Variants in KLF12 observed in about 807,000 individuals in gnomAD.
The protein encoded by KLF12 is Krueppel-like factor 12.
KLF12 carries 9 observed loss-of-function variants against 37.8 expected under a neutral mutation model. The ratio of observed to expected loss-of-function variants is 0.24; its 90% CI spans 0.14 to 0.42. The LOEUF (loss-of-function observed/expected upper bound fraction) is 0.42, where lower values mean the gene tolerates loss of function less well. Among genes scored for constraint, KLF12 ranks in the 10% least tolerant of loss-of-function variants. The probability of loss-of-function intolerance (pLI) is 1.00; values close to 1 mark genes in which losing one functional copy is unlikely to be tolerated. For synonymous variants in KLF12, 208 were observed against 202.1 expected, an observed-to-expected ratio of 1.03 and a Z score of -0.25; for missense variants, 411 against 516.0, an observed-to-expected ratio of 0.80 and a Z score of 1.97.
At chr13:73,713,276 C>T (rs945421804) in intron 7 of KLF12, among the ~76,000 whole-genome samples, 1 of 152,112 alleles carries the variant, frequency 6.6e-6, no homozygotes, top group Non-Finnish European at 1.5e-5. Flanking sequence ...TAAGAGGCTA[C>T]TGGACATTGT....
chr13:73,967,215 G>T (rs1283912861), intron 2 of KLF12, among the ~76,000 whole-genome samples: 2 of 152,146 alleles, frequency 1.3e-5, no homozygotes, highest in Admixed American at 6.5e-5. Context: ...CATCAGAGGG[G>T]TTTAACCAAG....
chr13:73,739,237 TTAATAATAATAA>T lies in KLF12; in HGVS notation c.870-23724_870-23713del, dbSNP rs138002893. ...TGACAGAGTGAGACTCTGTCTCAAATTAATAATAATAATAATAATAATAATAATAATAATAAT... is the reference window on the plus strand; with the variant it reads ...TGACAGAGTGAGACTCTGTCTCAAATTAATAATAATAATAATAATAATAAT... On this transcript the variant is annotated intron_variant, in intron 6 of 7. Coordinates refer to ENST00000377669, the MANE Select transcript of KLF12 (RefSeq NM_007249.5). Among the ~76,000 whole-genome samples the T allele has an allele frequency of 8.0e-4, 115 of 143,568 alleles. 2 individuals carry two copies. Among genetic ancestry groups the T allele is most frequent in the Admixed American group, 5.3e-3 (76 of 14,422 alleles). The allele number at this position is 143,568 out of a possible 152,430, so 94.2% of individuals were successfully genotyped here. A position where few individuals can be genotyped will look rare whatever the true frequency, so the allele number is the denominator to read the frequency against.
At chr13:73,808,194 A>T (rs1594114983) in intron 5 of KLF12, among the ~76,000 whole-genome samples, 1 of 152,078 alleles carries the variant, frequency 6.6e-6, no homozygotes, top group East Asian at 1.9e-4. Flanking sequence ...GGGGTGGGGG[A>T]TCAAGACCAA....
At chr13:73,914,487 C>CT (rs1025153170) in intron 3 of KLF12, among the ~76,000 whole-genome samples, 9 of 152,086 alleles carry the variant, frequency 5.9e-5, no homozygotes, top group African/African-American at 1.9e-4. Flanking sequence ...AGCCAAATAA[C>CT]TTTTTTTTCA....
At chr13:74,160,843 C>G in the KLF12 span, among the ~76,000 whole-genome samples, 1 of 152,070 alleles carries the variant, frequency 6.6e-6, no homozygotes, top group Non-Finnish European at 1.5e-5. Flanking sequence ...TGCAAGTACA[C>G]AAGGCTCGTT....
chr13:74,287,962 C>A, the KLF12 span, among the ~76,000 whole-genome samples: 1 of 152,054 alleles, frequency 6.6e-6, no homozygotes, highest in Non-Finnish European at 1.5e-5. Flanking sequence ...GAGCTCCACC[C>A]CCCTCCCACC....
At chr13:74,168,336 G>A in the KLF12 span, among the ~76,000 whole-genome samples, 1 of 152,152 alleles carries the variant, frequency 6.6e-6, no homozygotes, top group East Asian at 1.9e-4. Flanking sequence ...CCCCTAACTG[G>A]ACTCTGGCTC....
the KLF12 span, among the ~76,000 whole-genome samples, chr13:74,140,020 G>T: frequency 6.6e-6 from 1 of 151,946 alleles, no homozygotes; most frequent in Non-Finnish European, 1.5e-5. Flanking sequence ...AGATAAAACT[G>T]ATAAATAACT....
chr13:74,148,651 A>C, the KLF12 span, among the ~76,000 whole-genome samples: 2 of 151,874 alleles, frequency 1.3e-5, no homozygotes, highest in Non-Finnish European at 2.9e-5. Context: ...AGTTTAACAC[A>C]ACCCTGATAG....
the KLF12 span, among the ~76,000 whole-genome samples, chr13:74,214,825 C>T: frequency 6.6e-6 from 1 of 151,872 alleles, no homozygotes; most frequent in Non-Finnish European, 1.5e-5. Context: ...GATGGAGTCT[C>T]ACTCTGCCAC....
In KLF12 at chr13:73,800,743, T is replaced by C. The variant is rs532953269; in HGVS notation, c.806+12409A>G. The C allele has an allele frequency of 1.1e-4, 16 of 152,244 alleles. No homozygotes were observed. In the South Asian group the frequency reaches 3.1e-3, roughly 30 times the overall value. 9.4% of individuals were successfully genotyped at this position (152,244 alleles called of 1,614,324 possible). A position where few individuals can be genotyped will look rare whatever the true frequency, so the allele number is the denominator to read the frequency against. Reference sequence around the variant, plus strand: ...CATTAAAATAATGCATCCAGTTTTCTGTATTACATTTGTTTTTCCATAAGT... The same window carrying C: ...CATTAAAATAATGCATCCAGTTTTCCGTATTACATTTGTTTTTCCATAAGT... On this transcript the variant is annotated intron_variant, in intron 5 of 7. Transcript: ENST00000377669.
At chr13:74,056,256 T>C (rs1267864212) in intron 1 of KLF12, among the ~76,000 whole-genome samples, 1 of 152,120 alleles carries the variant, frequency 6.6e-6, no homozygotes, top group African/African-American at 2.4e-5. Context: ...AAGAACCATA[T>C]TGGGTGTACA....
intron 1 of KLF12, among the ~76,000 whole-genome samples, chr13:74,113,359 T>TA: frequency 6.6e-6 from 1 of 152,160 alleles, no homozygotes; most frequent in East Asian, 1.9e-4. Flanking sequence ...TTCATATAGT[T>TA]AGAGAGGAGA....
At chr13:74,288,080 A>G in the KLF12 span, among the ~76,000 whole-genome samples, 1 of 38,708 alleles carries the variant, frequency 2.6e-5, no homozygotes, top group African/African-American at 5.2e-5. Context: ...GGGGGGAAGG[A>G]AAAAAAAACT....
chr13:73,807,909 G>A (rs769207496), intron 5 of KLF12, among the ~76,000 whole-genome samples: 1 of 152,064 alleles, frequency 6.6e-6, no homozygotes, highest in African/African-American at 2.4e-5. Flanking sequence ...TTATTAGGTC[G>A]AGTTTGGTGG....
chr13:73,781,717 T>G (rs975348011), intron 5 of KLF12, among the ~76,000 whole-genome samples: 1 of 152,176 alleles, frequency 6.6e-6, no homozygotes, highest in African/African-American at 2.4e-5. Flanking sequence ...CCTGAGATAG[T>G]TGCAGAAATA....
chr13:73,822,535 G>A (rs1883586491), intron 4 of KLF12, among the ~76,000 whole-genome samples: 1 of 152,076 alleles, frequency 6.6e-6, no homozygotes, highest in African/African-American at 2.4e-5. Context: ...TTCAAGACCA[G>A]ACTGGATTAC....
chr13:73,755,389 A>C (rs1036857719), intron 6 of KLF12, among the ~76,000 whole-genome samples: 7 of 152,180 alleles, frequency 4.6e-5, no homozygotes, highest in African/African-American at 1.7e-4. Context: ...ATACAAGTAC[A>C]TATTTATGTA....
chr13:73,731,028 T>C (rs1422851015), intron 6 of KLF12, among the ~76,000 whole-genome samples: 1 of 152,170 alleles, frequency 6.6e-6, no homozygotes, highest in Non-Finnish European at 1.5e-5. Context: ...CCTTTATCAA[T>C]CACTGAGCTA....
Sources: gnomAD v4.1 joint callset for allele counts (sites outside exome capture counted in the v4.1 genomes callset) on GRCh38, gnomAD v4.1.1 for gene constraint, MANE v1.5 for transcripts, NCBI Gene and HGNC (gene_info 2026-07-23, HGNC 2026-07-21) for gene names.